The following PMP22 variants were observed in gnomAD, a reference collection of about 807,000 sequenced individuals.
PMP22 encodes the protein peripheral myelin protein 22, also known as Charcot-Marie-Tooth neuropathy 1A (greatly reduced nerve conduction velocity, hereditary motor sensory neuropathy Ia).
In PMP22, 2 loss-of-function variants were observed where a neutral mutation model predicts 18.9. That is an observed-to-expected ratio of 0.11 (90% CI 0.04 to 0.33). The LOEUF is 0.33. Ranked by LOEUF, PMP22 falls within the 10% of genes least tolerant of loss-of-function variation. The pLI is 1.00. For synonymous variants in PMP22, 95 were observed against 89.2 expected (o/e 1.07, Z -0.37); for missense variants, 169 against 202.2 (o/e 0.84, Z 1.00).
chr17:15,230,869 T>G lies in PMP22; in HGVS notation c.*48A>C. On this transcript the variant is annotated 3_prime_UTR_variant, in exon 5 of 5. Transcript: ENST00000312280. ...TTGTCTGCTTTCTGTTTTCCCTTCCTCCCTTCCCTATGTACGCTCAGAGCC... is the reference window on the plus strand; with the variant it reads ...TTGTCTGCTTTCTGTTTTCCCTTCCGCCCTTCCCTATGTACGCTCAGAGCC... 6.2e-7 allele frequency: 1 copy of G among 1,602,406 alleles called. No individual in the cohort carries two copies.
Position 15,253,766 on chromosome 17 carries a change from C to T in PMP22, c.178+5328G>A, listed in dbSNP as rs137892504. 2.0e-4 allele frequency among the ~76,000 whole-genome samples: 30 copies of T among 152,242 alleles called. No individual in the cohort carries two copies. In the East Asian group the frequency reaches 4.6e-3, roughly 24 times the overall value. Reference sequence around the variant, plus strand: ...ACGGTCCTTCTGTATGGAACCTCCCCGAGATGTTCATATGGCTGGCTCCTG... The same window carrying T: ...ACGGTCCTTCTGTATGGAACCTCCCTGAGATGTTCATATGGCTGGCTCCTG... On this transcript the variant is annotated intron_variant, in intron 3 of 4. Transcript: ENST00000312280.
At chr17:15,245,081 A>G (rs1907684217) in intron 3 of PMP22, among the ~76,000 whole-genome samples, 1 of 152,142 alleles carries the variant, frequency 6.6e-6, no homozygotes, top group Non-Finnish European at 1.5e-5. Flanking sequence ...CAAAAGCTAC[A>G]CAAGGACAGC....
In PMP22 at chr17:15,258,005, C is replaced by A. The variant is rs996769397; in HGVS notation, c.178+1089G>T. Among the ~76,000 whole-genome samples the A allele has an allele frequency of 1.3e-5, 2 of 152,210 alleles. No individual in the cohort carries two copies. Among genetic ancestry groups the A allele is most frequent in the African/African-American group, 4.8e-5 (2 of 41,446 alleles). On this transcript the variant is annotated intron_variant, in intron 3 of 4. Transcript: ENST00000312280. The surrounding 1 kb of genome is among the most constrained non-coding windows in gnomAD (Gnocchi z 4.1). ...TAAGAGGGAAAGTCCAGCAAAGCAA[C>A]TGGATTATGCAAAGCCAGGACCAAA...
intron 4 of PMP22, among the ~76,000 whole-genome samples, chr17:15,232,188 T>G (rs149385677): frequency 4.8e-4 from 73 of 152,224 alleles, no homozygotes; most frequent in Admixed American, 1.2e-3. Flanking sequence ...GCTGTTTTAC[T>G]GGACACTGCA....
At position 15,229,894 on chromosome 17, in the gene PMP22, A is replaced by G. The variant is rs1453386380; in HGVS notation, c.*1023T>C. The G allele has an allele frequency of 6.5e-6, 1 of 152,706 alleles. No individual in the cohort carries two copies. Among genetic ancestry groups the G allele is most frequent in the Non-Finnish European group, 1.5e-5 (1 of 68,074 alleles). The allele number at this position is 152,706 out of a possible 1,614,324, so 9.5% of individuals were successfully genotyped here. A position where few individuals can be genotyped will look rare whatever the true frequency, so the allele number is the denominator to read the frequency against. On this transcript the variant is annotated 3_prime_UTR_variant, in exon 5 of 5. Coordinates refer to ENST00000312280, the MANE Select transcript of PMP22 (RefSeq NM_000304.4). ...TCTTAGCATCAGAAGGGCACCATATATACATCTACAGTTGGTGGCCAATAC... is the reference window on the plus strand; with the variant it reads ...TCTTAGCATCAGAAGGGCACCATATGTACATCTACAGTTGGTGGCCAATAC...
chr17:15,233,330 C>A lies in PMP22; in HGVS notation c.320-2250G>T, dbSNP rs191407544. Among the ~76,000 whole-genome samples, 6 of 152,326 alleles carry A rather than the reference C, an allele frequency of 3.9e-5. No homozygotes were observed. The South Asian group carries it at 6.2e-4, about 16-fold the overall frequency. On this transcript the variant is annotated intron_variant, in intron 4 of 4. Transcript: ENST00000312280. ...GGGGCCTGAGTCTGGGAGCATAGGTCATCTTTAAGCAGAAGGACACTGACC... is the reference window on the plus strand; with the variant it reads ...GGGGCCTGAGTCTGGGAGCATAGGTAATCTTTAAGCAGAAGGACACTGACC...
At chr17:15,263,718 T>C (rs1346794771) in intron 1 of PMP22, among the ~76,000 whole-genome samples, 1 of 152,230 alleles carries the variant, frequency 6.6e-6, no homozygotes, top group Admixed American at 6.5e-5. Flanking sequence ...TTGTATATTC[T>C]TACGGTAAGT....
chr17:15,230,816 T>C lies in PMP22; in HGVS notation c.*101A>G. On this transcript the variant is annotated 3_prime_UTR_variant, in exon 5 of 5. Transcript: ENST00000312280. ...GCTTTCTGTTTGGTTTGGTTTGAGT[T>C]TGGGATTTTGGGCTAGCTCTTTTTT... The C allele has an allele frequency of 2.3e-6, 3 of 1,308,354 alleles. No homozygotes were observed. Among genetic ancestry groups the C allele is most frequent in the Non-Finnish European group, 3.3e-6 (3 of 911,618 alleles). 81.0% of individuals were successfully genotyped at this position (1,308,354 alleles called of 1,614,324 possible). A position where few individuals can be genotyped will look rare whatever the true frequency, so the allele number is the denominator to read the frequency against.
chr17:15,238,452 C>T (rs948039974), intron 4 of PMP22, among the ~76,000 whole-genome samples: 5 of 152,180 alleles, frequency 3.3e-5, no homozygotes, highest in African/African-American at 1.2e-4. Context: ...ATGCTACATC[C>T]TTTGCCCTCT....
intron 3 of PMP22, among the ~76,000 whole-genome samples, chr17:15,245,630 CAG>C (rs1345274881): frequency 1.3e-5 from 2 of 152,070 alleles, no homozygotes; most frequent in Admixed American, 1.3e-4. Context: ...TGTGAGAAAA[CAG>C]GGTAAACAAG....
At chr17:15,249,750 G>A (rs1597620873) in intron 3 of PMP22, among the ~76,000 whole-genome samples, 1 of 152,200 alleles carries the variant, frequency 6.6e-6, no homozygotes, top group South Asian at 2.1e-4. Flanking sequence ...ATCGTGTAGA[G>A]GAGAGACGGG....
At chr17:15,254,441 G>A (rs1908637407) in intron 3 of PMP22, among the ~76,000 whole-genome samples, 1 of 152,106 alleles carries the variant, frequency 6.6e-6, no homozygotes, top group African/African-American at 2.4e-5. Context: ...AGAAGGAAAC[G>A]CGTCAAGTCA....
chr17:15,260,968 G>T (rs1909290471), intron 1 of PMP22: 1 of 326,202 alleles, frequency 3.1e-6, no homozygotes, highest in Non-Finnish European at 5.5e-6. Flanking sequence ...AGTGCCCAGC[G>T]CCCAGCCGGG....
chr17:15,262,551 G>A (rs1172754949), intron 1 of PMP22: 1 of 152,152 alleles, frequency 6.6e-6, no homozygotes, highest in Non-Finnish European at 1.5e-5. Flanking sequence ...AAGCAAGGGG[G>A]CAGTGGGAGG....
intron 3 of PMP22, among the ~76,000 whole-genome samples, chr17:15,250,366 G>A (rs1330300886): frequency 6.6e-6 from 1 of 151,902 alleles, no homozygotes; most frequent in Non-Finnish European, 1.5e-5. Flanking sequence ...TCTGCCTTCT[G>A]CTCTCAACTC....
chr17:15,239,689 G>A, intron 3 of PMP22, 78 bp from the exon 4 acceptor site: 1 of 1,465,138 alleles, frequency 6.8e-7, no homozygotes, highest in East Asian at 2.3e-5. Context: ...AGGGCCTGAA[G>A]GGCCATGACT....
chr17:15,235,289 C>G (rs1168769682), intron 4 of PMP22: 1 of 717,358 alleles, frequency 1.4e-6, no homozygotes, highest in South Asian at 1.5e-5. Flanking sequence ...TTGATTCTGC[C>G]GAGGAAACAC....
At chr17:15,251,836 T>C (rs1908381467) in intron 3 of PMP22, 1 of 151,922 alleles carries the variant, frequency 6.6e-6, no homozygotes, top group African/African-American at 2.4e-5. Flanking sequence ...TGGTGAAATC[T>C]TGGGGATACA....
chr17:15,238,844 A>G (rs1907033820), intron 4 of PMP22, among the ~76,000 whole-genome samples: 1 of 152,204 alleles, frequency 6.6e-6, no homozygotes, highest in Non-Finnish European at 1.5e-5. Flanking sequence ...GAGACCTCTC[A>G]TGTGTTTTCA....
Sources: allele counts gnomAD v4.1 joint callset (sites outside exome capture counted in the v4.1 genomes callset), GRCh38; gene constraint gnomAD v4.1.1; non-coding constraint Gnocchi (gnomAD v3.1); transcripts MANE v1.5; gene names NCBI Gene and HGNC (gene_info 2026-07-23, HGNC 2026-07-21).